Variants in PDGFRB observed in about 807,000 individuals in gnomAD.
The protein encoded by PDGFRB is platelet-derived growth factor receptor beta.
Under a neutral mutation model 120.2 loss-of-function variants are expected in PDGFRB, and 42 were observed. The observed-to-expected ratio is 0.35, with a 90% CI of 0.27 to 0.45. PDGFRB has a LOEUF of 0.45. Among genes scored for constraint, PDGFRB ranks in the 20% least tolerant of loss-of-function variants. The pLI is 1.00. For missense variants in PDGFRB, 1,149 were observed against 1,476.3 expected (o/e 0.78, Z 3.63); for synonymous variants, 586 against 606.8 (o/e 0.97, Z 0.50).
chr5:150,134,688 C>T, intron 4 of PDGFRB, 62 bp downstream of exon 4: 10 of 1,476,432 alleles, frequency 6.8e-6, no homozygotes, highest in Non-Finnish European at 9.2e-6. Context: ...CTGTAAAGGG[C>T]TATTCCTCTG....
chr5:150,133,147 C>G (rs545338281), intron 6 of PDGFRB, among the ~76,000 whole-genome samples: 2 of 152,286 alleles, frequency 1.3e-5, no homozygotes, highest in South Asian at 4.1e-4. Flanking sequence ...GGCCAGCTCC[C>G]AGGTTGGGAA....
intron 1 of PDGFRB, among the ~76,000 whole-genome samples, chr5:150,141,979 G>C (rs952903248): frequency 1.3e-5 from 2 of 151,960 alleles, no homozygotes; most frequent in African/African-American, 4.8e-5. Context: ...CAGGGAGAGG[G>C]GGGTGCTGGG....
At chr5:150,155,297 C>CT (rs35505256) in intron 1 of PDGFRB, 100 bp downstream of exon 1, 23,190 of 119,764 alleles carry the variant, frequency 0.19, 3,653 homozygotes, top group African/African-American at 0.38. Flanking sequence ...AATATCTTCC[C>CT]TTTTTTTTTT....
Position 150,121,986 on chromosome 5 carries a change from G to A in PDGFRB, c.2238C>T (p.Asp746=), listed in dbSNP as rs555800957. The change falls in exon 16 of 23, where the codon GAC becomes GAT. Residue 746 remains aspartate, a synonymous_variant. Transcript: ENST00000261799. This position sits in a 1 kb window ranked among gnomAD's most constrained non-coding sequence, Gnocchi z 4.1. ...GCATGGGCACATAGTCCACCGACTC[G>A]TCCTTGCTCATGTCCATGTAGCCAC... is the stretch of plus-strand genomic sequence containing the variant. ...SDGGYMDMSK[D]ESVDYVPMLD... 2.9e-5 allele frequency: 47 copies of A among 1,613,620 alleles called. No homozygotes were observed. Among genetic ancestry groups the A allele is most frequent in the Middle Eastern group, 1.7e-4 (1 of 6,004 alleles).
chr5:150,113,968 A>T lies in PDGFRB; in HGVS notation c.*1795T>A. On this transcript the variant is annotated 3_prime_UTR_variant, in exon 23 of 23. Coordinates refer to ENST00000261799, the MANE Select transcript of PDGFRB (RefSeq NM_002609.4). ...ATGTGAGTTAACGTGAGTCCTAAAA[A>T]TATTTGTAAACCTAGGTGATTATAT... 8.6e-6 allele frequency: 2 copies of T among 233,496 alleles called. No homozygotes were observed. The highest frequency in any genetic ancestry group is 1.7e-5 in the Non-Finnish European group (2 of 117,948). The allele number at this position is 233,496 out of a possible 1,614,324, so 14.5% of individuals were successfully genotyped here. A position where few individuals can be genotyped will look rare whatever the true frequency, so the allele number is the denominator to read the frequency against.
At chr5:150,131,559 G>T (rs1223563536) in intron 8 of PDGFRB, among the ~76,000 whole-genome samples, 1 of 152,194 alleles carries the variant, frequency 6.6e-6, no homozygotes, top group Non-Finnish European at 1.5e-5. Flanking sequence ...ATTTGCTGGG[G>T]TTTTCCTCCC....
rs56078873 is a variant in PDGFRB, at chr5:150,125,491, C to A, written c.1761G>T (p.Leu587=). Residue 587 remains leucine (L), a synonymous_variant, in exon 12 of 23, where the codon CTG becomes CTT. Coordinates refer to ENST00000261799, the MANE Select transcript of PDGFRB (RefSeq NM_002609.4). ...GCAGCTCCCACGTGGAGTCATAGGGCAGCTGCATGGGGTCCACGTAGATGT... is the reference window on the plus strand; with the variant it reads ...GCAGCTCCCACGTGGAGTCATAGGGAAGCTGCATGGGGTCCACGTAGATGT... The part of the protein sequence containing the change: ...HEYIYVDPMQ[L]PYDSTWELPR... 9 of 1,613,470 alleles carry A rather than the reference C, an allele frequency of 5.6e-6. No individual in the cohort carries two copies. The South Asian group carries it at 7.7e-5, about 14-fold the overall frequency.
chr5:150,143,596 T>C (rs555891551), intron 1 of PDGFRB, among the ~76,000 whole-genome samples: 30 of 152,272 alleles, frequency 2.0e-4, no homozygotes, highest in African/African-American at 6.7e-4. Flanking sequence ...AGGAAAGGGA[T>C]AGCAGCACAG....
intron 10 of PDGFRB, among the ~76,000 whole-genome samples, chr5:150,127,763 G>A (rs1202344189): frequency 1.4e-5 from 2 of 143,612 alleles, no homozygotes; most frequent in Admixed American, 7.1e-5. Context: ...GAACCCGGGA[G>A]GCAGAGCTTG....
chr5:150,133,828 G>C (rs2113908965), intron 5 of PDGFRB, 53 bp downstream of exon 5: 12 of 1,612,422 alleles, frequency 7.4e-6, no homozygotes, highest in Non-Finnish European at 1.0e-5. Flanking sequence ...CTGCAAGCCA[G>C]ATATCCACCC....
intron 21 of PDGFRB, 34 bp downstream of exon 21, chr5:150,118,713 C>G: frequency 7.6e-7 from 1 of 1,309,072 alleles, no homozygotes; most frequent in Non-Finnish European, 1.1e-6. Flanking sequence ...CACCAGAGCT[C>G]TCCGTGCTCC....
chr5:150,137,054 C>T lies in PDGFRB; in HGVS notation c.-6-1G>A, dbSNP rs2113914989. 6.2e-7 allele frequency: 1 copy of T among 1,613,176 alleles called. No individual in the cohort carries two copies. The highest frequency in any genetic ancestry group is 1.1e-5 in the South Asian group (1 of 90,880). On this transcript the variant is annotated splice_acceptor_variant, in intron 1 of 22. Coordinates refer to ENST00000261799, the MANE Select transcript of PDGFRB (RefSeq NM_002609.4). LOFTEE classifies it low-confidence loss of function (5UTR_SPLICE). ...TCGCACCCGGAAGCCGCATGGTGTC[C>T]TGCAGAGTTAAACAGGAGTCAGGGC...
At chr5:150,122,388 G>A (rs1045717569) in intron 15 of PDGFRB, among the ~76,000 whole-genome samples, 10 of 152,214 alleles carry the variant, frequency 6.6e-5, no homozygotes, top group Non-Finnish European at 7.3e-5. Context: ...AGCATAGGCA[G>A]CCAGGATTCA....
rs763469130 is a variant in PDGFRB at position 150,125,557 on chromosome 5, T to C, written c.1695A>G (p.Arg565=). The C allele has an allele frequency of 6.2e-7, 1 of 1,613,826 alleles. No individual in the cohort carries two copies. The change falls in exon 12 of 23, where the codon CGA becomes CGG. Residue 565 remains arginine (R), a synonymous_variant. Transcript: ENST00000261799. ...LWQKKPRYEI[R]WKVIESVSSD... ...AGCTCACAGACTCAATCACCTTCCATCGGATCTCGTAACGTGGCTTCTGGA... is the reference window on the plus strand; with the variant it reads ...AGCTCACAGACTCAATCACCTTCCACCGGATCTCGTAACGTGGCTTCTGGA...
chr5:150,140,877 C>G (rs1203582904), intron 1 of PDGFRB, among the ~76,000 whole-genome samples: 7 of 152,200 alleles, frequency 4.6e-5, no homozygotes, highest in Non-Finnish European at 1.0e-4. Flanking sequence ...ATTCTCCACT[C>G]CTTTCCCACC....
At position 150,115,487 on chromosome 5, in the gene PDGFRB, T is replaced by C. The variant is rs246387; in HGVS notation, c.*276A>G. 0.98 allele frequency: 323,561 copies of C among 329,066 alleles called. 159,091 individuals are homozygous for C. The highest frequency in any genetic ancestry group is 1 in the East Asian group (21,479 of 21,480). The allele number at this position is 329,066 out of a possible 1,614,324, so 20.4% of individuals were successfully genotyped here. A position where few individuals can be genotyped will look rare whatever the true frequency, so the allele number is the denominator to read the frequency against. On this transcript the variant is annotated 3_prime_UTR_variant, in exon 23 of 23. Transcript: ENST00000261799. The stretch of plus-strand genomic sequence containing the variant: ...GGGTCATCAAGCCTAACTTTCCCAT[T>C]TTACATATGGGAAAACTGAGTTCCC...
rs188718204 is a variant in PDGFRB at position 150,146,972 on chromosome 5, G to T, written c.-7+8425C>A. ...GCTAGGGATAGAACCCAGGACTAGG[G>T]ATAGAACTCCACAATTTCGCTGCAG... On this transcript the variant is annotated intron_variant, in intron 1 of 22. Coordinates refer to ENST00000261799, the MANE Select transcript of PDGFRB (RefSeq NM_002609.4). Among the ~76,000 whole-genome samples, 612 of 152,328 alleles carry T rather than the reference G, an allele frequency of 4.0e-3. 2 individuals are homozygous for T. The highest frequency in any genetic ancestry group is 5.9e-3 in the Admixed American group (91 of 15,312).
chr5:150,122,056 C>T lies in PDGFRB; in HGVS notation c.2184-16G>A, dbSNP rs2113891447. On this transcript the variant is annotated splice_polypyrimidine_tract_variant and intron_variant, in intron 15 of 22. Coordinates refer to ENST00000261799, the MANE Select transcript of PDGFRB (RefSeq NM_002609.4). ...GGACACATGGCTGGGGGTAAAGGAGCATCACAGGAGAGCCTGCAGGCTTTG... is the reference window on the plus strand; with the variant it reads ...GGACACATGGCTGGGGGTAAAGGAGTATCACAGGAGAGCCTGCAGGCTTTG... 6.2e-7 allele frequency: 1 copy of T among 1,610,876 alleles called. No individual in the cohort carries two copies. The highest frequency in any genetic ancestry group is 8.5e-7 in the Non-Finnish European group (1 of 1,178,806).
At chr5:150,130,469 C>G in intron 9 of PDGFRB, 70 bp downstream of exon 9, 1 of 1,476,626 alleles carries the variant, frequency 6.8e-7, no homozygotes, top group African/African-American at 1.4e-5. Flanking sequence ...ACGGGCGGGA[C>G]TAGATAACCT....
Sources: gnomAD v4.1 joint callset for allele counts (sites outside exome capture counted in the v4.1 genomes callset) on GRCh38, gnomAD v4.1.1 for gene constraint, Gnocchi (gnomAD v3.1) non-coding constraint, MANE v1.5 for transcripts, NCBI Gene and HGNC (gene_info 2026-07-23, HGNC 2026-07-21) for gene names.